Variants in MICA observed in about 807,000 individuals in gnomAD.
The protein encoded by MICA is HLA class I antigen.
In MICA, 18 loss-of-function variants were observed where a neutral mutation model predicts 34.3. That is an observed-to-expected ratio of 0.52 (90% CI 0.36 to 0.78). MICA has a LOEUF of 0.78. Among genes scored for constraint, MICA ranks in the 30% least tolerant of loss-of-function variants. The probability of loss-of-function intolerance (pLI) is 0.00; values close to 1 mark genes in which losing one functional copy is unlikely to be tolerated. For synonymous variants in MICA, 135 were observed against 156.9 expected, an observed-to-expected ratio of 0.86 and a Z score of 1.04; for missense variants, 333 against 409.4, an observed-to-expected ratio of 0.81 and a Z score of 1.61.
In MICA at chr6:31,412,349, A is replaced by G; in HGVS notation, c.917A>G (p.His306Arg). 1.3e-6 allele frequency: 2 copies of G among 1,594,226 alleles called. No individual in the cohort carries two copies. The highest frequency in any genetic ancestry group is 1.1e-5 in the South Asian group (1 of 88,702). ...PSGKVLVLQS[H>R]WQTFHVSAVA... Reference sequence around the variant, plus strand: ...GGGAAAGTGCTGGTGCTTCAGAGTCATTGGCAGACATTCCATGTTTCTGCT... The same window carrying G: ...GGGAAAGTGCTGGTGCTTCAGAGTCGTTGGCAGACATTCCATGTTTCTGCT... The change falls in exon 5 of 6, where the codon CAT becomes CGT. Residue 306 changes from histidine (H) to arginine (R), a missense_variant. Physicochemically the swap from His to Arg is conservative, Grantham distance 29 (BLOSUM62 0). Coordinates refer to ENST00000449934, the MANE Select transcript of MICA (RefSeq NM_001177519.3).
In MICA at chr6:31,412,101, C is replaced by G. The variant is rs1412864107; in HGVS notation, c.768C>G (p.Val256=). 6.2e-7 allele frequency: 1 copy of G among 1,613,014 alleles called. No homozygotes were observed. The highest frequency in any genetic ancestry group is 8.5e-7 in the Non-Finnish European group (1 of 1,179,950). The part of the protein sequence containing the change: ...LSHDTQQWGD[V]LPDGNGTYQT... ...ACGACACCCAGCAGTGGGGGGATGT[C>G]CTGCCTGATGGGAATGGAACCTACC... Residue 256 remains valine, a synonymous_variant, in exon 4 of 6, where the codon GTC becomes GTG. Coordinates refer to ENST00000449934, the MANE Select transcript of MICA (RefSeq NM_001177519.3).
Position 31,411,854 on chromosome 6 carries a change from G to A in MICA, c.614-93G>A. On this transcript the variant is annotated intron_variant, in intron 3 of 5. Transcript: ENST00000449934. The surrounding 1 kb of genome is among the most constrained non-coding windows in gnomAD (Gnocchi z 4.3). Reference sequence around the variant, plus strand: ...AGGTCAGGGGTCCCGGAGGGCTTCAGCCAGAGTGAGAACAGTGAAGAGAAA... The same window carrying A: ...AGGTCAGGGGTCCCGGAGGGCTTCAACCAGAGTGAGAACAGTGAAGAGAAA... The A allele has an allele frequency of 6.6e-7, 1 of 1,506,678 alleles. No homozygotes were observed. 93.3% of individuals were successfully genotyped at this position (1,506,678 alleles called of 1,614,324 possible). A position where few individuals can be genotyped will look rare whatever the true frequency, so the allele number is the denominator to read the frequency against.
Position 31,412,422 on chromosome 6 carries a change from G to C in MICA, c.990G>C (p.Pro330=). 1 of 1,570,424 alleles carries C rather than the reference G, an allele frequency of 6.4e-7. No homozygotes were observed. Among genetic ancestry groups the C allele is most frequent in the Non-Finnish European group, 8.6e-7 (1 of 1,157,688 alleles). Residue 330 remains proline, a synonymous_variant, in exon 5 of 6, where the codon CCG becomes CCC. Coordinates refer to ENST00000449934, the MANE Select transcript of MICA (RefSeq NM_001177519.3). Reference sequence around the variant, plus strand: ...TTTGTTATTATTATTTTCTATGTCCGTTGTTGTAAGAAGAAAACATCAGCT... The same window carrying C: ...TTTGTTATTATTATTTTCTATGTCCCTTGTTGTAAGAAGAAAACATCAGCT... ...CYFCYYYFLC[P]LL is the part of the protein sequence containing the mutation.
At position 31,411,723 on chromosome 6, in the gene MICA, C is replaced by T. The variant is rs1771168671; in HGVS notation, c.614-224C>T. ...CCCAGGAGTCCACCCCTGACATCCC[C>T]CTCCTCAGCATCAATGTGGGGATCC... On this transcript the variant is annotated intron_variant, in intron 3 of 5. Transcript: ENST00000449934. This position sits in a 1 kb window ranked among gnomAD's most constrained non-coding sequence, Gnocchi z 4.3. Among the ~76,000 whole-genome samples the T allele has an allele frequency of 6.6e-6, 1 of 151,844 alleles. No individual in the cohort carries two copies.
Position 31,412,072 on chromosome 6 carries a change from A to G in MICA, c.739A>G (p.Ser247Gly), listed in dbSNP as rs1771200257. Residue 247 changes from serine to glycine, a missense_variant, in exon 4 of 6, where the codon AGC (serine) becomes GGC (glycine). Ser to Gly is a moderately conservative substitution (Grantham distance 56). Transcript: ENST00000449934. Reference sequence around the variant, plus strand: ...CTGGCGTCAGGATGGGGTATCTTTGAGCCACGACACCCAGCAGTGGGGGGA... The same window carrying G: ...CTGGCGTCAGGATGGGGTATCTTTGGGCCACGACACCCAGCAGTGGGGGGA... ...LTWRQDGVSLSHDTQQWGDVL... is the reference protein window; with the variant it reads ...LTWRQDGVSLGHDTQQWGDVL... 6.2e-7 allele frequency: 1 copy of G among 1,613,008 alleles called. No homozygotes were observed.
At chr6:31,412,275 G>A (rs1340364817) in intron 4 of MICA, 50 bp downstream of exon 4, 2 of 1,606,404 alleles carry the variant, frequency 1.2e-6, no homozygotes, top group Non-Finnish European at 8.5e-7. Context: ...AGGGACAGCA[G>A]GGATGGCTGT....
upstream of MICA, among the ~76,000 whole-genome samples, chr6:31,401,884 C>T (rs1481457918): frequency 6.6e-6 from 1 of 151,858 alleles, no homozygotes; most frequent in Non-Finnish European, 1.5e-5. Context: ...GGTGGTTCTA[C>T]GCAGTGGCTA....
intron 1 of MICA, among the ~76,000 whole-genome samples, chr6:31,407,362 A>C (rs1770804638): frequency 6.6e-6 from 1 of 151,814 alleles, no homozygotes; most frequent in Non-Finnish European, 1.5e-5. Flanking sequence ...TCAGCCTCCC[A>C]AGTAGCTGGG....
At chr6:31,408,733 G>A (rs1770890305) in intron 1 of MICA, among the ~76,000 whole-genome samples, 1 of 151,952 alleles carries the variant, frequency 6.6e-6, no homozygotes, top group African/African-American at 2.4e-5. Flanking sequence ...GGTGGGCACA[G>A]TGGCTCACGC....
upstream of MICA, among the ~76,000 whole-genome samples, chr6:31,401,142 T>G (rs571691437): frequency 2.4e-4 from 37 of 151,398 alleles, 1 homozygote; most frequent in Admixed American, 1.3e-3. Flanking sequence ...ACCGTGGAGG[T>G]AAGGGCTTGG....
rs377047105 is a variant in MICA at position 31,412,195 on chromosome 6, G to A, written c.862G>A (p.Gly288Arg). 167 of 1,611,518 alleles carry A rather than the reference G, an allele frequency of 1.0e-4. 1 individual carries two copies. Among genetic ancestry groups the A allele is most frequent in the East Asian group, 2.5e-4 (11 of 44,806 alleles). The change falls in exon 4 of 6, where the codon GGG becomes AGG. Residue 288 changes from glycine (G) to arginine (R), a missense_variant. Gly to Arg is a moderately radical substitution (Grantham distance 125). Transcript: ENST00000449934. ...QRFTCYMEHS[G>R]NHSTHPVPSG... ...GTTCACCTGCTACATGGAACACAGC[G>A]GGAATCACAGCACTCACCCTGTGCC...
In MICA at chr6:31,411,037, T is replaced by C. The variant is rs755508750; in HGVS notation, c.326-35T>C. The C allele has an allele frequency of 1.3e-6, 2 of 1,538,386 alleles. No homozygotes were observed. Among genetic ancestry groups the C allele is most frequent in the Non-Finnish European group, 1.8e-6 (2 of 1,142,068 alleles). On this transcript the variant is annotated intron_variant, in intron 2 of 5. Transcript: ENST00000449934. This position sits in a 1 kb window ranked among gnomAD's most constrained non-coding sequence, Gnocchi z 4.3. ...TCACTTGGGTGGAAAGGTGATGGGTTCGGGAATGGAGAAGTCACTGCTGGG... is the reference window on the plus strand; with the variant it reads ...TCACTTGGGTGGAAAGGTGATGGGTCCGGGAATGGAGAAGTCACTGCTGGG...
Position 31,403,749 on chromosome 6 carries a change from C to A in MICA, c.70+47C>A. 6.7e-7 allele frequency: 1 copy of A among 1,502,556 alleles called. No homozygotes were observed. The highest frequency in any genetic ancestry group is 1.4e-5 in the African/African-American group (1 of 69,768). 93.1% of individuals were successfully genotyped at this position (1,502,556 alleles called of 1,614,324 possible). On this transcript the variant is annotated intron_variant, in intron 1 of 5. Transcript: ENST00000449934. The surrounding 1 kb of genome is among the most constrained non-coding windows in gnomAD (Gnocchi z 4.7). ...CCTCGGCGGAGCGGGAGCAGTGGGA[C>A]GTTTCCGGGGGTCGGGTGGGTAGCG...
chr6:31,407,717 A>C (rs1049953579), intron 1 of MICA, among the ~76,000 whole-genome samples: 8 of 151,776 alleles, frequency 5.3e-5, no homozygotes, highest in African/African-American at 1.5e-4. Flanking sequence ...AACTTTACTG[A>C]ATTTGTTCTT....
At position 31,410,918 on chromosome 6, in the gene MICA, T is replaced by G. The variant is rs531696280; in HGVS notation, c.325+121T>G. 14 of 1,464,900 alleles carry G rather than the reference T, an allele frequency of 9.6e-6. No homozygotes were observed. In the East Asian group the frequency reaches 3.2e-4, roughly 34 times the overall value. 90.7% of individuals were successfully genotyped at this position (1,464,900 alleles called of 1,614,324 possible). A position where few individuals can be genotyped will look rare whatever the true frequency, so the allele number is the denominator to read the frequency against. On this transcript the variant is annotated intron_variant, in intron 2 of 5. Coordinates refer to ENST00000449934, the MANE Select transcript of MICA (RefSeq NM_001177519.3). ...TCAGGCTGGGGGTGAGGAATGGGGG[T>G]CAGTGGAACTCAGCAGGGAGGTGAG...
At chr6:31,410,450 C>CT (rs9281428) in intron 1 of MICA, 93 bp from the exon 2 acceptor site, 425,760 of 1,489,388 alleles carry the variant, frequency 0.29, 65,090 homozygotes, top group African/African-American at 0.45. Flanking sequence ...CATTTCCTGC[C>CT]CCAGGAAGGT....
In MICA at chr6:31,411,916, G is replaced by A. The variant is rs769486839; in HGVS notation, c.614-31G>A. 1.3e-6 allele frequency: 2 copies of A among 1,597,918 alleles called. No individual in the cohort carries two copies. The highest frequency in any genetic ancestry group is 3.4e-5 in the Admixed American group (2 of 58,286). The stretch of plus-strand genomic sequence containing the variant: ...CTCTCCCCTCCTTAGAGGGGAGCAG[G>A]GCTTCACTGGCTCTGCCCTTTCTTC... On this transcript the variant is annotated intron_variant, in intron 3 of 5. Coordinates refer to ENST00000449934, the MANE Select transcript of MICA (RefSeq NM_001177519.3). This position sits in a 1 kb window ranked among gnomAD's most constrained non-coding sequence, Gnocchi z 4.3.
In MICA at chr6:31,415,168, T is replaced by G; in HGVS notation, c.*186T>G. On this transcript the variant is annotated 3_prime_UTR_variant, in exon 6 of 6. Coordinates refer to ENST00000449934, the MANE Select transcript of MICA (RefSeq NM_001177519.3). The stretch of plus-strand genomic sequence containing the variant: ...CTACAGCCAGGCGGCTGGAATTGAA[T>G]TCCCTGCCTGGATCTCACAAGCACT... 1.3e-5 allele frequency: 11 copies of G among 848,024 alleles called. No individual in the cohort carries two copies. The highest frequency in any genetic ancestry group is 1.8e-5 in the Non-Finnish European group (9 of 503,078). 52.5% of individuals were successfully genotyped at this position (848,024 alleles called of 1,614,324 possible).
At chr6:31,409,932 C>T (rs1770985265) in intron 1 of MICA, among the ~76,000 whole-genome samples, 1 of 150,318 alleles carries the variant, frequency 6.7e-6, no homozygotes, top group African/African-American at 2.5e-5. Context: ...GTCCTGGGGC[C>T]TTGTCATGCT....
Sources: allele counts gnomAD v4.1 joint callset (sites outside exome capture counted in the v4.1 genomes callset), GRCh38; gene constraint gnomAD v4.1.1; non-coding constraint Gnocchi (gnomAD v3.1); transcripts MANE v1.5; gene names NCBI Gene and HGNC (gene_info 2026-07-23, HGNC 2026-07-21).